PCDHGA8: variants seen among roughly 807,000 people sequenced by gnomAD.
PCDHGA8 encodes the protein protocadherin gamma-A8.
A neutral mutation model predicts 59.2 loss-of-function variants in PCDHGA8; 45 were observed. The observed-to-expected ratio is 0.76, with a 90% CI of 0.60 to 0.98. PCDHGA8 has a LOEUF of 0.98. Among genes scored for constraint, PCDHGA8 ranks in the 50% least tolerant of loss-of-function variants. The probability of loss-of-function intolerance (pLI) is 0.00; values close to 1 mark genes in which losing one functional copy is unlikely to be tolerated. For missense variants in PCDHGA8, 1,257 were observed against 1,196.2 expected (o/e 1.05, Z -0.75); for synonymous variants, 531 against 519.0 (o/e 1.02, Z -0.32).
intron 1 of PCDHGA8, chr5:141,419,343 A>G: frequency 6.2e-7 from 1 of 1,613,806 alleles, no homozygotes; most frequent in East Asian, 2.2e-5. Flanking sequence ...ATTGCCAGCG[A>G]CCTGGAGTCA....
At chr5:141,502,139 C>G (rs923501238) in intron 2 of PCDHGA8, among the ~76,000 whole-genome samples, 1 of 152,104 alleles carries the variant, frequency 6.6e-6, no homozygotes, top group Non-Finnish European at 1.5e-5. Flanking sequence ...TCAGTCGGGC[C>G]GGAAGTAAGG....
At chr5:141,400,214 C>T in intron 1 of PCDHGA8, 1 of 1,614,042 alleles carries the variant, frequency 6.2e-7, no homozygotes, top group Non-Finnish European at 8.5e-7. Context: ...GCCTTGATCT[C>T]AGTGCTCTTC....
chr5:141,436,051 A>G (rs2097793554), intron 1 of PCDHGA8, among the ~76,000 whole-genome samples: 1 of 152,194 alleles, frequency 6.6e-6, no homozygotes, highest in Admixed American at 6.5e-5. Flanking sequence ...ATTAGTTTTC[A>G]AATAGAATTT....
At chr5:141,497,018 A>G (rs988584487) in intron 2 of PCDHGA8, among the ~76,000 whole-genome samples, 1 of 152,084 alleles carries the variant, frequency 6.6e-6, no homozygotes, top group Non-Finnish European at 1.5e-5. Flanking sequence ...GTGAAACCCC[A>G]TCTCGATTAA....
chr5:141,421,054 A>G, intron 1 of PCDHGA8: 3 of 571,978 alleles, frequency 5.2e-6, no homozygotes, highest in Non-Finnish European at 9.0e-6. Context: ...CGCCTCTACC[A>G]CACAAAGCGG....
rs771858105 is a variant in PCDHGA8 at position 141,428,074 on chromosome 5, G to A, written c.2424+32837G>A. 4.4e-6 allele frequency: 7 copies of A among 1,609,112 alleles called. No homozygotes were observed. The African/African-American group carries it at 5.3e-5, about 12-fold the overall frequency. On this transcript the variant is annotated intron_variant, in intron 1 of 3. Transcript: ENST00000398604. The stretch of plus-strand genomic sequence containing the variant: ...GTGGTGGCGGTGGACGCAGATTCGG[G>A]ACACAACGCTTGGCTGTCCTACCAC...
chr5:141,479,211 A>G (rs2099490342), intron 1 of PCDHGA8: 1 of 152,422 alleles, frequency 6.6e-6, no homozygotes, highest in African/African-American at 2.4e-5. Context: ...AAGTATTTAA[A>G]AAATTAAAAC....
At chr5:141,407,980 C>G in intron 1 of PCDHGA8, 1 of 760,358 alleles carries the variant, frequency 1.3e-6, no homozygotes, top group Non-Finnish European at 2.0e-6. Flanking sequence ...CGCCGGGGAT[C>G]CGTCAGCCTC....
chr5:141,483,648 TTGTGTGTGTGTGTG>T (rs111458813), intron 1 of PCDHGA8, among the ~76,000 whole-genome samples: 1 of 149,592 alleles, frequency 6.7e-6, no homozygotes, highest in Non-Finnish European at 1.5e-5. Flanking sequence ...GGGTGTGTGT[TTGTGTGTGTGTGTG>T]TGTGTGTAAA....
Position 141,489,492 on chromosome 5 carries a change from G to C in PCDHGA8, c.2425-5315G>C. On this transcript the variant is annotated intron_variant, in intron 1 of 3. Coordinates refer to ENST00000398604, the MANE Select transcript of PCDHGA8 (RefSeq NM_032088.2). This position sits in a 1 kb window ranked among gnomAD's most constrained non-coding sequence, Gnocchi z 4.5. The stretch of plus-strand genomic sequence containing the variant: ...CCCTGAGCTTGATGAGTGGTGCCCT[G>C]GCAGTGAATCAAAAGATTGACCGAG... The C allele has an allele frequency of 6.2e-7, 1 of 1,614,042 alleles. No homozygotes were observed. The highest frequency in any genetic ancestry group is 8.5e-7 in the Non-Finnish European group (1 of 1,180,034).
rs376887343 is a variant in PCDHGA8 at position 141,393,297 on chromosome 5, G to T, written c.484G>T (p.Val162Leu). ...ACTCCCAGAAGCTGTTGACCCGGATGTGGGCGTGAACTCCCTCCAGAGCTA... is the reference window on the plus strand; with the variant it reads ...ACTCCCAGAAGCTGTTGACCCGGATTTGGGCGTGAACTCCCTCCAGAGCTA... ...YPLPEAVDPD[V>L]GVNSLQSYQL... Residue 162 changes from valine to leucine, a missense_variant, in exon 1 of 4, where the codon GTG becomes TTG. Val to Leu is a conservative substitution (Grantham distance 32, BLOSUM62 1). Coordinates refer to ENST00000398604, the MANE Select transcript of PCDHGA8 (RefSeq NM_032088.2). The T allele has an allele frequency of 1.9e-6, 3 of 1,613,934 alleles. No individual in the cohort carries two copies. Among genetic ancestry groups the T allele is most frequent in the Non-Finnish European group, 1.7e-6 (2 of 1,179,908 alleles).
At chr5:141,401,368 A>G (rs2094146364) in intron 1 of PCDHGA8, among the ~76,000 whole-genome samples, 3 of 152,186 alleles carry the variant, frequency 2.0e-5, no homozygotes, top group Admixed American at 2.0e-4. Flanking sequence ...GAAGGAGAGG[A>G]AGAAGAAGAA....
chr5:141,415,961 C>T, intron 1 of PCDHGA8: 1 of 438,836 alleles, frequency 2.3e-6, no homozygotes, highest in Non-Finnish European at 3.6e-6. Context: ...TATTGAAACT[C>T]CAGCCCCTTA....
At chr5:141,417,950 GAGCCGATCCGCT>G (rs1361985861) in intron 1 of PCDHGA8, 1 of 1,613,484 alleles carries the variant, frequency 6.2e-7, no homozygotes, top group African/African-American at 1.3e-5. Context: ...CACGCTGTGT[GAGCCGATCCGCT>G]ACTCGATTCC....
At chr5:141,433,854 A>T (rs2097660850) in intron 1 of PCDHGA8, among the ~76,000 whole-genome samples, 1 of 151,852 alleles carries the variant, frequency 6.6e-6, no homozygotes, top group African/African-American at 2.4e-5. Context: ...AAAAAAAAAA[A>T]ACTTTATCCT....
intron 1 of PCDHGA8, chr5:141,475,850 G>A (rs2099376325): frequency 1.9e-5 from 9 of 464,524 alleles, no homozygotes; most frequent in Middle Eastern, 5.9e-4. Context: ...AGAGAGCCCG[G>A]CGCTAGCTCA....
intron 1 of PCDHGA8, chr5:141,404,726 G>A (rs772532099): frequency 6.2e-7 from 1 of 1,614,094 alleles, no homozygotes; most frequent in Admixed American, 1.7e-5. Context: ...GACCAAGGTG[G>A]TGGCAGTGGA....
chr5:141,399,543 C>T (rs2093831494), intron 1 of PCDHGA8: 3 of 1,614,042 alleles, frequency 1.9e-6, no homozygotes, highest in Non-Finnish European at 2.5e-6. Flanking sequence ...AAGTCTGCGC[C>T]TCGGACCTGG....
At chr5:141,402,434 A>C (rs2150931474) in intron 1 of PCDHGA8, among the ~76,000 whole-genome samples, 1 of 152,272 alleles carries the variant, frequency 6.6e-6, no homozygotes, top group East Asian at 1.9e-4. Flanking sequence ...AAGCATCATA[A>C]AAAGGAAATT....
Sources: gnomAD v4.1 joint callset for allele counts (sites outside exome capture counted in the v4.1 genomes callset) on GRCh38, gnomAD v4.1.1 for gene constraint, Gnocchi (gnomAD v3.1) non-coding constraint, MANE v1.5 for transcripts, NCBI Gene and HGNC (gene_info 2026-07-23, HGNC 2026-07-21) for gene names.